The following LMX1A variants were observed in gnomAD, a reference collection of about 807,000 sequenced individuals.
LMX1A encodes LIM homeobox transcription factor 1-alpha.
LMX1A carries 15 observed loss-of-function variants against 49.1 expected under a neutral mutation model. The observed-to-expected ratio is 0.31, with a 90% CI of 0.20 to 0.47. The LOEUF (loss-of-function observed/expected upper bound fraction) is 0.47. Among genes scored for constraint, LMX1A ranks in the 20% least tolerant of loss-of-function variants. The pLI, the probability that LMX1A is intolerant of heterozygous loss-of-function variation, is 1.00. For missense variants in LMX1A, 372 were observed against 475.8 expected, an observed-to-expected ratio of 0.78 and a Z score of 2.03; for synonymous variants, 167 against 185.7, an observed-to-expected ratio of 0.90 and a Z score of 0.82.
intron 3 of LMX1A, among the ~76,000 whole-genome samples, chr1:165,251,249 A>G (rs1653051612): frequency 6.6e-6 from 1 of 151,950 alleles, no homozygotes; most frequent in Non-Finnish European, 1.5e-5. Context: ...TGCCCAGCTA[A>G]TTTTTGTATT....
intron 6 of LMX1A, among the ~76,000 whole-genome samples, chr1:165,209,721 T>C (rs1258537836): frequency 6.6e-6 from 1 of 152,178 alleles, no homozygotes; most frequent in Non-Finnish European, 1.5e-5. Context: ...GTAATATCCT[T>C]TGTAATAAAG....
At chr1:165,252,078 T>C (rs2102640279) in intron 3 of LMX1A, among the ~76,000 whole-genome samples, 2 of 152,316 alleles carry the variant, frequency 1.3e-5, no homozygotes, top group South Asian at 4.1e-4. Context: ...TGGCTCAAAA[T>C]ATTATCTTAC....
chr1:165,250,605 A>C (rs1034437896), intron 3 of LMX1A, among the ~76,000 whole-genome samples: 2 of 152,228 alleles, frequency 1.3e-5, no homozygotes, highest in African/African-American at 4.8e-5. Context: ...TATTTTCAAC[A>C]CAACAGTTAG....
At chr1:165,222,606 C>A (rs767360517) in intron 4 of LMX1A, among the ~76,000 whole-genome samples, 2 of 152,166 alleles carry the variant, frequency 1.3e-5, no homozygotes, top group African/African-American at 2.4e-5. Context: ...TAGGAAGGTG[C>A]GGTAAGTTGA....
At chr1:165,245,868 G>A (rs1652834488) in intron 4 of LMX1A, among the ~76,000 whole-genome samples, 3 of 151,750 alleles carry the variant, frequency 2.0e-5, no homozygotes, top group African/African-American at 7.3e-5. Flanking sequence ...TTTGAACATC[G>A]GGAGTATCCA....
chr1:165,333,395 G>A (rs1355371114), intron 3 of LMX1A, among the ~76,000 whole-genome samples: 1 of 152,142 alleles, frequency 6.6e-6, no homozygotes. Context: ...CCAACCTCAG[G>A]TGATCTGCCC....
intron 3 of LMX1A, among the ~76,000 whole-genome samples, chr1:165,279,685 ATC>A (rs1456484555): frequency 1.3e-5 from 2 of 152,204 alleles, no homozygotes; most frequent in African/African-American, 4.8e-5. Flanking sequence ...GGGCAAATTT[ATC>A]CTGCTATTAG....
intron 3 of LMX1A, among the ~76,000 whole-genome samples, chr1:165,346,555 T>C (rs999460856): frequency 6.6e-6 from 1 of 151,456 alleles, no homozygotes; most frequent in Non-Finnish European, 1.5e-5. Context: ...AGCACCGAGG[T>C]AGGCTTTCAA....
chr1:165,353,131 C>T lies in LMX1A; in HGVS notation c.208G>A (p.Glu70Lys). Reference sequence around the variant, plus strand: ...TTGTCCCGGTAGAAGCAGGTGGTCTCCAGGGGCTCTTTGCAGGAGGCGCAC... The same window carrying T: ...TTGTCCCGGTAGAAGCAGGTGGTCTTCAGGGGCTCTTTGCAGGAGGCGCAC... ...VQCASCKEPL[E>K]TTCFYRDKKL... The change falls in exon 3 of 9, where the codon GAG becomes AAG. Residue 70 changes from glutamate to lysine, a missense_variant. Glu to Lys is a moderately conservative substitution (Grantham distance 56, BLOSUM62 1). Around this residue, in one of 3 missense-constraint regions of LMX1A, gnomAD observed 199 missense variants for 244.0 expected, o/e 0.82. Transcript: ENST00000342310. 1 of 1,614,204 alleles carries T rather than the reference C, an allele frequency of 6.2e-7. No homozygotes were observed. Among genetic ancestry groups the T allele is most frequent in the Non-Finnish European group, 8.5e-7 (1 of 1,180,040 alleles).
chr1:165,249,134 G>T lies in LMX1A; in HGVS notation c.496+274C>A, dbSNP rs940782868. 1.2e-4 allele frequency among the ~76,000 whole-genome samples: 19 copies of T among 152,148 alleles called. 1 individual carries two copies. The highest frequency in any genetic ancestry group is 2.6e-4 in the Non-Finnish European group (18 of 68,038). ...CTGAAGCAAAGTCCAGTTAACTCCA[G>T]TTAACCCGGACATTTCTGTGTGTGT... On this transcript the variant is annotated intron_variant, in intron 4 of 8. Coordinates refer to ENST00000342310, the MANE Select transcript of LMX1A (RefSeq NM_177398.4).
Position 165,355,604 on chromosome 1 carries a change from C to T in LMX1A, c.-22-23G>A, listed in dbSNP as rs764306828. 2 of 1,576,466 alleles carry T rather than the reference C, an allele frequency of 1.3e-6. No homozygotes were observed. Among genetic ancestry groups the T allele is most frequent in the Non-Finnish European group, 8.7e-7 (1 of 1,150,908 alleles). The stretch of plus-strand genomic sequence containing the variant: ...GACCTGTAGAGGAGAAGAAACGATG[C>T]GTCTGACGTCCGTGCCCGCTGGGAC... On this transcript the variant is annotated intron_variant, in intron 1 of 8. Coordinates refer to ENST00000342310, the MANE Select transcript of LMX1A (RefSeq NM_177398.4). The surrounding 1 kb of genome is among the most constrained non-coding windows in gnomAD (Gnocchi z 4.7).
chr1:165,238,728 G>T (rs1652538261), intron 4 of LMX1A, among the ~76,000 whole-genome samples: 1 of 152,220 alleles, frequency 6.6e-6, no homozygotes, highest in East Asian at 1.9e-4. Context: ...TAGCCAGCCA[G>T]AAAGAGCTGT....
intron 3 of LMX1A, among the ~76,000 whole-genome samples, chr1:165,258,771 T>C (rs2102646203): frequency 6.6e-6 from 1 of 152,340 alleles, no homozygotes; most frequent in East Asian, 1.9e-4. Flanking sequence ...TAAGTGCTTT[T>C]CTTGTTCTCG....
At chr1:165,305,391 G>C (rs1289551903) in intron 3 of LMX1A, among the ~76,000 whole-genome samples, 1 of 152,090 alleles carries the variant, frequency 6.6e-6, no homozygotes, top group Admixed American at 6.6e-5. Context: ...ACACCATCTG[G>C]GATGGAATGT....
At chr1:165,258,493 T>C (rs1054674169) in intron 3 of LMX1A, among the ~76,000 whole-genome samples, 3 of 152,138 alleles carry the variant, frequency 2.0e-5, no homozygotes, top group African/African-American at 7.2e-5. Context: ...CTCAAGACTC[T>C]GCAGTGGTGA....
intron 4 of LMX1A, among the ~76,000 whole-genome samples, chr1:165,222,074 C>T (rs16841274): frequency 0.023 from 3,518 of 152,220 alleles, 129 homozygotes; most frequent in African/African-American, 0.08. Context: ...CAGGTGTATA[C>T]TGCATGTACC....
intron 4 of LMX1A, among the ~76,000 whole-genome samples, chr1:165,223,497 G>T (rs1429859461): frequency 6.6e-6 from 1 of 152,150 alleles, no homozygotes; most frequent in Non-Finnish European, 1.5e-5. Context: ...GGAGAAGATG[G>T]TGAATAAAGA....
At chr1:165,270,112 G>C (rs1348838728) in intron 3 of LMX1A, among the ~76,000 whole-genome samples, 1 of 152,138 alleles carries the variant, frequency 6.6e-6, no homozygotes, top group Non-Finnish European at 1.5e-5. Context: ...TGGTAGCCAT[G>C]AGCCAAGTTT....
At chr1:165,214,088 GC>G (rs1400677024) in intron 4 of LMX1A, among the ~76,000 whole-genome samples, 3 of 152,170 alleles carry the variant, frequency 2.0e-5, no homozygotes, top group African/African-American at 7.2e-5. Flanking sequence ...GTGGCCTTGG[GC>G]AATGATATGG....
Sources: allele counts gnomAD v4.1 joint callset (sites outside exome capture counted in the v4.1 genomes callset), GRCh38; gene constraint gnomAD v4.1.1; regional missense constraint gnomAD v4.1.1; non-coding constraint Gnocchi (gnomAD v3.1); transcripts MANE v1.5; gene names NCBI Gene and HGNC (gene_info 2026-07-23, HGNC 2026-07-21).